Variants in PMFBP1 observed in about 807,000 individuals in gnomAD.
The protein encoded by PMFBP1 is polyamine modulated factor 1 binding protein 1.
PMFBP1 carries 131 observed loss-of-function variants against 137.8 expected under a neutral mutation model. That is an observed-to-expected ratio of 0.95 (90% CI 0.82 to 1.10). The LOEUF (loss-of-function observed/expected upper bound fraction) is 1.10. Among genes scored for constraint, PMFBP1 ranks in the 50% least tolerant of loss-of-function variants. The pLI is 0.00. For missense variants in PMFBP1, 1,199 were observed against 1,175.4 expected (o/e 1.02, Z -0.29); for synonymous variants, 490 against 450.4 (o/e 1.09, Z -1.11).
At chr16:72,246,066 A>G in the PMFBP1 span, among the ~76,000 whole-genome samples, 2 of 152,200 alleles carry the variant, frequency 1.3e-5, no homozygotes, top group South Asian at 4.1e-4. Context: ...TGGTTGCAGA[A>G]TGGTGCATTA....
chr16:72,244,913 A>G, the PMFBP1 span, among the ~76,000 whole-genome samples: 1 of 152,184 alleles, frequency 6.6e-6, no homozygotes, highest in Non-Finnish European at 1.5e-5. Context: ...AGGGTGCAAG[A>G]GGTTAGGGAG....
chr16:72,222,336 T>C, the PMFBP1 span, among the ~76,000 whole-genome samples: 2 of 152,194 alleles, frequency 1.3e-5, no homozygotes, highest in Non-Finnish European at 2.9e-5. Context: ...CAAAGTTCAT[T>C]TCAGGTCACT....
At chr16:72,159,266 A>T (rs963615290) in intron 3 of PMFBP1, among the ~76,000 whole-genome samples, 1 of 151,942 alleles carries the variant, frequency 6.6e-6, no homozygotes, top group Non-Finnish European at 1.5e-5. Flanking sequence ...GCTCAGAATT[A>T]CTCTTTGGTC....
At position 72,134,928 on chromosome 16, in the gene PMFBP1, G is replaced by A. The variant is rs573750964; in HGVS notation, c.1203+1520C>T. Among the ~76,000 whole-genome samples the A allele has an allele frequency of 2.0e-5, 3 of 152,292 alleles. No homozygotes were observed. In the East Asian group the frequency reaches 5.8e-4, roughly 29 times the overall value. Reference sequence around the variant, plus strand: ...ACCGGCTGTCTCCCTACACAGGAGTGCAAGCTCTATGACAAGAGGCATGTT... The same window carrying A: ...ACCGGCTGTCTCCCTACACAGGAGTACAAGCTCTATGACAAGAGGCATGTT... On this transcript the variant is annotated intron_variant, in intron 9 of 20. Coordinates refer to ENST00000237353, the MANE Select transcript of PMFBP1 (RefSeq NM_031293.3).
rs377107740 is a variant in PMFBP1, at chr16:72,125,952, G to C, written c.2253+16C>G. On this transcript the variant is annotated intron_variant, in intron 15 of 20. Transcript: ENST00000237353. ...TGCCTGAAAACAGCCCTGGAGACTA[G>C]AGGGTGTGGCCTCACCTTCTCGAGG... 1.9e-6 allele frequency: 3 copies of C among 1,612,800 alleles called. No homozygotes were observed. The highest frequency in any genetic ancestry group is 2.7e-5 in the African/African-American group (2 of 74,874).
At chr16:72,133,101 C>T in intron 9 of PMFBP1, 110 bp from the exon 10 acceptor site, 2 of 1,356,740 alleles carry the variant, frequency 1.5e-6, no homozygotes, top group Admixed American at 1.9e-5. Flanking sequence ...CCTGCCTGGA[C>T]ATTGCACGAA....
chr16:72,130,295 T>C lies in PMFBP1; in HGVS notation c.1700A>G (p.Asp567Gly), dbSNP rs750860618. 6.9e-5 allele frequency: 112 copies of C among 1,614,094 alleles called. No individual in the cohort carries two copies. The highest frequency in any genetic ancestry group is 9.3e-5 in the Non-Finnish European group (110 of 1,180,050). Residue 567 changes from aspartate to glycine, a missense_variant, in exon 12 of 21, where the codon GAC (aspartate) becomes GGC (glycine). Physicochemically the swap from Asp to Gly is moderately conservative, Grantham distance 94. Coordinates refer to ENST00000237353, the MANE Select transcript of PMFBP1 (RefSeq NM_031293.3). ...SEALRKLENS[D>G]KEKRQLQKTV... ...CTTCTGAAGCTGCCTCTTTTCCTTG[T>C]CTGAATTTTCAAGCTTCCTCAGGGC...
At chr16:72,137,036 T>C (rs979295582) in intron 7 of PMFBP1, among the ~76,000 whole-genome samples, 13 of 152,208 alleles carry the variant, frequency 8.5e-5, no homozygotes, top group Non-Finnish European at 1.5e-4. Flanking sequence ...TGGTGATGAT[T>C]GCCCAACCTT....
At chr16:72,218,491 A>T in the PMFBP1 span, among the ~76,000 whole-genome samples, 1 of 152,046 alleles carries the variant, frequency 6.6e-6, no homozygotes, top group Non-Finnish European at 1.5e-5. Context: ...ATGTTGGCCA[A>T]GCTGGTCTCA....
At chr16:72,248,501 G>A in the PMFBP1 span, among the ~76,000 whole-genome samples, 2 of 152,290 alleles carry the variant, frequency 1.3e-5, no homozygotes, top group African/African-American at 2.4e-5. Flanking sequence ...ATGAACAAAA[G>A]AAATTAGGTA....
At chr16:72,240,726 C>G in the PMFBP1 span, among the ~76,000 whole-genome samples, 3 of 152,326 alleles carry the variant, frequency 2.0e-5, no homozygotes, top group African/African-American at 7.2e-5. Flanking sequence ...GCTGAGTGTC[C>G]TAGGACAAGT....
upstream of PMFBP1, among the ~76,000 whole-genome samples, chr16:72,178,731 T>C (rs1174981947): frequency 6.6e-6 from 1 of 152,222 alleles, no homozygotes; most frequent in Non-Finnish European, 1.5e-5. Context: ...TTCTTACTTT[T>C]GGGTACGAGA....
chr16:72,175,101 A>G (rs2043253500), upstream of PMFBP1, among the ~76,000 whole-genome samples: 3 of 152,208 alleles, frequency 2.0e-5, no homozygotes. Flanking sequence ...TTACCTTGAA[A>G]GGTATTGAGA....
chr16:72,221,267 A>G, the PMFBP1 span, among the ~76,000 whole-genome samples: 1 of 152,124 alleles, frequency 6.6e-6, no homozygotes, highest in Non-Finnish European at 1.5e-5. Context: ...CCTCATTAAC[A>G]CCCGCCTCCA....
At chr16:72,249,942 A>G in the PMFBP1 span, among the ~76,000 whole-genome samples, 1,508 of 149,152 alleles carry the variant, frequency 0.01, 5 homozygotes, top group Non-Finnish European at 0.017. Context: ...AAAAAAAAAA[A>G]AAGAAAGAAA....
At chr16:72,133,625 G>A (rs2042581344) in intron 9 of PMFBP1, among the ~76,000 whole-genome samples, 1 of 152,160 alleles carries the variant, frequency 6.6e-6, no homozygotes, top group Non-Finnish European at 1.5e-5. Context: ...GTTACAGCAG[G>A]TAGCTAGTCA....
chr16:72,120,956 G>C (rs1025698716), intron 19 of PMFBP1, among the ~76,000 whole-genome samples: 2 of 152,142 alleles, frequency 1.3e-5, no homozygotes, highest in Non-Finnish European at 2.9e-5. Context: ...CTCACACACA[G>C]CAAATAATAT....
At chr16:72,190,041 C>G in the PMFBP1 span, among the ~76,000 whole-genome samples, 5 of 152,230 alleles carry the variant, frequency 3.3e-5, no homozygotes, top group Middle Eastern at 0.01. Context: ...AAAAACCAAT[C>G]TTAGGTTCTA....
At chr16:72,159,279 A>G (rs565514036) in intron 3 of PMFBP1, among the ~76,000 whole-genome samples, 2 of 152,306 alleles carry the variant, frequency 1.3e-5, no homozygotes, top group African/African-American at 4.8e-5. Context: ...CTTTGGTCTT[A>G]AAGCTTCTGG....
Sources: allele counts gnomAD v4.1 joint callset (sites outside exome capture counted in the v4.1 genomes callset), GRCh38; gene constraint gnomAD v4.1.1; transcripts MANE v1.5; gene names NCBI Gene and HGNC (gene_info 2026-07-23, HGNC 2026-07-21).